The following MAPKAPK2 variants were observed in gnomAD, a reference collection of about 807,000 sequenced individuals.
MAPKAPK2 encodes MAP kinase-activated protein kinase 2.
A neutral mutation model predicts 48.8 loss-of-function variants in MAPKAPK2; 9 were observed. That is an observed-to-expected ratio of 0.18 (90% CI 0.11 to 0.32). MAPKAPK2 has a LOEUF of 0.32. MAPKAPK2 is among the 10% of genes least tolerant of loss of function. The pLI is 1.00. For missense variants in MAPKAPK2, 331 were observed against 498.3 expected, an observed-to-expected ratio of 0.66 and a Z score of 3.20; for synonymous variants, 202 against 190.6, an observed-to-expected ratio of 1.06 and a Z score of -0.49.
chr1:206,727,613 C>G (rs1673742219), intron 1 of MAPKAPK2, among the ~76,000 whole-genome samples: 1 of 151,980 alleles, frequency 6.6e-6, no homozygotes, highest in Non-Finnish European at 1.5e-5. Flanking sequence ...CTTTAAGAAG[C>G]CTCTTAGCAG....
intron 1 of MAPKAPK2, among the ~76,000 whole-genome samples, chr1:206,685,965 C>G (rs1553425555): frequency 1.3e-5 from 2 of 152,154 alleles, no homozygotes; most frequent in African/African-American, 2.4e-5. Context: ...AGTCGGATCG[C>G]AGAGGTTTAT....
intron 1 of MAPKAPK2, chr1:206,696,001 G>A (rs2102380096): frequency 1.3e-6 from 1 of 770,182 alleles, no homozygotes; most frequent in Non-Finnish European, 2.4e-6. Flanking sequence ...AGTTCGATGT[G>A]TAGGGCAGTG....
chr1:206,704,149 G>A lies in MAPKAPK2; in HGVS notation c.279+18641G>A, dbSNP rs995764224. Among the ~76,000 whole-genome samples the A allele has an allele frequency of 6.6e-6, 1 of 152,228 alleles. No homozygotes were observed. The highest frequency in any genetic ancestry group is 2.4e-5 in the African/African-American group (1 of 41,456). On this transcript the variant is annotated intron_variant, in intron 1 of 9. Transcript: ENST00000367103. The surrounding 1 kb of genome is among the most constrained non-coding windows in gnomAD (Gnocchi z 4.3). ...AGGGTCTATCTGATAGTTTTTCCTG[G>A]AGTTGGGGAGGGGTCCTACTTTCAG...
At chr1:206,691,763 A>G (rs1672468457) in intron 1 of MAPKAPK2, among the ~76,000 whole-genome samples, 1 of 152,000 alleles carries the variant, frequency 6.6e-6, no homozygotes, top group South Asian at 2.1e-4. Flanking sequence ...GAGGGCAGGC[A>G]GGATAGCTTG....
At chr1:206,688,507 C>G (rs1286659308) in intron 1 of MAPKAPK2, among the ~76,000 whole-genome samples, 1 of 152,176 alleles carries the variant, frequency 6.6e-6, no homozygotes, top group African/African-American at 2.4e-5. Flanking sequence ...GAGAACAGTC[C>G]CCAAAGTTGG....
intron 3 of MAPKAPK2, 117 bp downstream of exon 3, chr1:206,729,216 A>G (rs889323401): frequency 8.1e-6 from 10 of 1,227,036 alleles, no homozygotes; most frequent in South Asian, 1.2e-5. Flanking sequence ...CCCCTCCAGC[A>G]TGCTGCAAGG....
intron 1 of MAPKAPK2, among the ~76,000 whole-genome samples, chr1:206,700,118 C>G (rs1419660254): frequency 3.4e-4 from 52 of 150,984 alleles, no homozygotes; most frequent in Admixed American, 3.4e-3. Flanking sequence ...CGCTGCAATG[C>G]TTTTCCTGTG....
chr1:206,707,107 A>G (rs910498997), intron 1 of MAPKAPK2, among the ~76,000 whole-genome samples: 11 of 152,108 alleles, frequency 7.2e-5, no homozygotes, highest in Non-Finnish European at 1.2e-4. Flanking sequence ...ACTTCCTGTC[A>G]GGGCCCTGCT....
In MAPKAPK2 at chr1:206,731,645, A is replaced by G. The variant is rs1261683933; in HGVS notation, c.898A>G (p.Met300Val). Residue 300 changes from methionine (M) to valine (V), a missense_variant, in exon 8 of 10, where the codon ATG becomes GTG. Physicochemically the swap from Met to Val is conservative, Grantham distance 21 (BLOSUM62 1). This residue lies in a region of MAPKAPK2 where 124 missense variants were observed against 194.6 expected (regional missense o/e 0.64). Transcript: ENST00000367103. The surrounding 1 kb of genome is among the most constrained non-coding windows in gnomAD (Gnocchi z 5.9). ...CCCCCTGTCCCACCCCACAGTGAAGATGCTCATTCGGAATCTGCTGAAAAC... is the reference window on the plus strand; with the variant it reads ...CCCCCTGTCCCACCCCACAGTGAAGGTGCTCATTCGGAATCTGCTGAAAAC... ...EWSEVSEEVK[M>V]LIRNLLKTEP... 3 of 1,613,764 alleles carry G rather than the reference A, an allele frequency of 1.9e-6. No homozygotes were observed. The highest frequency in any genetic ancestry group is 1.7e-6 in the Non-Finnish European group (2 of 1,179,710).
intron 1 of MAPKAPK2, chr1:206,696,313 C>A: frequency 1.2e-6 from 1 of 839,296 alleles, no homozygotes; most frequent in Non-Finnish European, 2.1e-6. Context: ...CGCAAGGCAC[C>A]TCTTTAGATA....
At chr1:206,688,888 C>A (rs1468834338) in intron 1 of MAPKAPK2, among the ~76,000 whole-genome samples, 1 of 152,148 alleles carries the variant, frequency 6.6e-6, no homozygotes, top group Non-Finnish European at 1.5e-5. Context: ...CCTGCCTCAG[C>A]CTGCCTAAGT....
chr1:206,707,984 G>A (rs1673018139), intron 1 of MAPKAPK2, among the ~76,000 whole-genome samples: 1 of 152,216 alleles, frequency 6.6e-6, no homozygotes, highest in Admixed American at 6.5e-5. Flanking sequence ...GACTGACAGA[G>A]CTGGAAAGCG....
chr1:206,691,482 G>GAT (rs56752335), intron 1 of MAPKAPK2, among the ~76,000 whole-genome samples: 1,828 of 77,168 alleles, frequency 0.024, 163 homozygotes, highest in African/African-American at 0.071. Flanking sequence ...TGTATTTTAA[G>GAT]ATATATATAT....
At chr1:206,725,201 C>T (rs782581552) in intron 1 of MAPKAPK2, among the ~76,000 whole-genome samples, 25 of 152,354 alleles carry the variant, frequency 1.6e-4, no homozygotes, top group African/African-American at 4.8e-4. Flanking sequence ...GCACTCCTAA[C>T]GTGTTCAGGG....
At chr1:206,724,973 T>C (rs1262951283) in intron 1 of MAPKAPK2, among the ~76,000 whole-genome samples, 1 of 136,148 alleles carries the variant, frequency 7.3e-6, no homozygotes, top group Non-Finnish European at 1.7e-5. Flanking sequence ...AAGTTGAATC[T>C]AATTTTACAG....
intron 1 of MAPKAPK2, among the ~76,000 whole-genome samples, chr1:206,717,549 T>C (rs1424721593): frequency 6.6e-6 from 1 of 152,176 alleles, no homozygotes; most frequent in Non-Finnish European, 1.5e-5. Context: ...GGGCCTCTGC[T>C]CGCTCCTTAT....
Position 206,685,579 on chromosome 1 carries a change from C to G in MAPKAPK2, c.279+71C>G, listed in dbSNP as rs1470706191. ...CTGGAGCTCCACGGCGTCGGGTGCC[C>G]GTCCCGGCCTGGGTCGCGGCGCGGG... On this transcript the variant is annotated intron_variant, in intron 1 of 9. Transcript: ENST00000367103. 2.6e-5 allele frequency: 33 copies of G among 1,290,900 alleles called. 1 individual carries two copies. The highest frequency in any genetic ancestry group is 1.8e-4 in the South Asian group (11 of 62,710). The allele number at this position is 1,290,900 out of a possible 1,614,324, so 80.0% of individuals were successfully genotyped here.
At chr1:206,719,084 C>T (rs1553430855) in intron 1 of MAPKAPK2, among the ~76,000 whole-genome samples, 1 of 152,128 alleles carries the variant, frequency 6.6e-6, no homozygotes, top group South Asian at 2.1e-4. Context: ...GTTTCTCTTG[C>T]TTTGAACTGC....
rs1195054172 is a variant in MAPKAPK2 at position 206,732,395 on chromosome 1, T to C, written c.1060-180T>C. On this transcript the variant is annotated intron_variant, in intron 9 of 9. Transcript: ENST00000367103. The surrounding 1 kb of genome is among the most constrained non-coding windows in gnomAD (Gnocchi z 4.4). Reference sequence around the variant, plus strand: ...AGCCAGGCTCTCTGCTGCCCAGCGCTGGGGTGAGGCTGCCGTTGTCAGCGT... The same window carrying C: ...AGCCAGGCTCTCTGCTGCCCAGCGCCGGGGTGAGGCTGCCGTTGTCAGCGT... 5 of 1,454,714 alleles carry C rather than the reference T, an allele frequency of 3.4e-6. No homozygotes were observed. The African/African-American group carries it at 5.7e-5, about 17-fold the overall frequency. The allele number at this position is 1,454,714 out of a possible 1,614,324, so 90.1% of individuals were successfully genotyped here. A position where few individuals can be genotyped will look rare whatever the true frequency, so the allele number is the denominator to read the frequency against.
Sources: gnomAD v4.1 joint callset for allele counts (sites outside exome capture counted in the v4.1 genomes callset) on GRCh38, gnomAD v4.1.1 for gene constraint, gnomAD v4.1.1 regional missense constraint, Gnocchi (gnomAD v3.1) non-coding constraint, MANE v1.5 for transcripts, NCBI Gene and HGNC (gene_info 2026-07-23, HGNC 2026-07-21) for gene names.